The following NOL4 variants were observed in gnomAD, a reference collection of about 807,000 sequenced individuals.
The protein encoded by NOL4 is nucleolar protein 4.
NOL4 carries 17 observed loss-of-function variants against 75.9 expected under a neutral mutation model. The ratio of observed to expected loss-of-function variants is 0.22; its 90% confidence interval spans 0.15 to 0.34. NOL4 has a LOEUF of 0.34. Ranked by LOEUF, NOL4 falls within the 10% of genes least tolerant of loss-of-function variation. The probability of loss-of-function intolerance (pLI) is 1.00; values close to 1 mark genes in which losing one functional copy is unlikely to be tolerated. For synonymous variants in NOL4, 292 were observed against 289.9 expected (o/e 1.01, Z -0.07); for missense variants, 614 against 793.5 (o/e 0.77, Z 2.72).
intron 1 of NOL4, among the ~76,000 whole-genome samples, chr18:34,202,400 G>A (rs2035803988): frequency 6.6e-6 from 1 of 151,886 alleles, no homozygotes; most frequent in South Asian, 2.1e-4. Context: ...TAATCTTAGA[G>A]TTAAAAACTG....
chr18:34,009,986 C>T (rs934958234), intron 6 of NOL4, among the ~76,000 whole-genome samples: 17 of 151,734 alleles, frequency 1.1e-4, no homozygotes, highest in Admixed American at 2.6e-4. Flanking sequence ...ACTCAATATA[C>T]ACTTTCATTT....
chr18:34,011,314 G>C (rs772540970), intron 6 of NOL4, among the ~76,000 whole-genome samples: 1 of 151,632 alleles, frequency 6.6e-6, no homozygotes, highest in Non-Finnish European at 1.5e-5. Flanking sequence ...ATAATGTAAG[G>C]CTCATCTAAT....
intron 6 of NOL4, among the ~76,000 whole-genome samples, chr18:33,985,776 G>GTAC (rs2072392148): frequency 6.6e-6 from 1 of 152,118 alleles, no homozygotes; most frequent in African/African-American, 2.4e-5. Flanking sequence ...TTTGTTGTAT[G>GTAC]TTGGGAAAGG....
rs181938443 is a variant in NOL4, at chr18:33,989,742, T to C, written c.1056+29576A>G. On this transcript the variant is annotated intron_variant, in intron 6 of 10. Transcript: ENST00000261592. ...AGCTATTAGAATAGTTCCTGGCATA[T>C]TAAAGCACTGTGTAAATGTCTGACA... Among the ~76,000 whole-genome samples the C allele has an allele frequency of 1.3e-4, 20 of 152,232 alleles. No homozygotes were observed. In the East Asian group the frequency reaches 3.3e-3, roughly 25 times the overall value.
At chr18:34,059,106 G>T (rs1221500591) in intron 5 of NOL4, among the ~76,000 whole-genome samples, 6 of 127,982 alleles carry the variant, frequency 4.7e-5, no homozygotes, top group South Asian at 2.7e-4. Context: ...TATATATAGA[G>T]AGATAGATAG....
intron 1 of NOL4, among the ~76,000 whole-genome samples, chr18:34,140,429 T>G (rs539520837): frequency 6.6e-6 from 1 of 152,322 alleles, no homozygotes; most frequent in East Asian, 1.9e-4. Flanking sequence ...TTTACCATTA[T>G]GTAATGGCCT....
intron 10 of NOL4, among the ~76,000 whole-genome samples, chr18:33,867,372 A>G (rs575016602): frequency 6.6e-6 from 1 of 152,292 alleles, no homozygotes; most frequent in Non-Finnish European, 1.5e-5. Flanking sequence ...AGAACATTTA[A>G]TTTACATCTT....
chr18:33,881,785 T>C (rs1201234262), intron 10 of NOL4, among the ~76,000 whole-genome samples: 1 of 152,014 alleles, frequency 6.6e-6, no homozygotes, highest in East Asian at 1.9e-4. Flanking sequence ...GGAGGCATCA[T>C]GCTACCTGAC....
At chr18:33,863,804 TTTCCC>T (rs1487494830) in intron 10 of NOL4, among the ~76,000 whole-genome samples, 1 of 152,122 alleles carries the variant, frequency 6.6e-6, no homozygotes, top group Non-Finnish European at 1.5e-5. Context: ...CAATCCCAAA[TTTCCC>T]TTCCACACAG....
chr18:34,187,380 T>A, intron 1 of NOL4, among the ~76,000 whole-genome samples: 1 of 142,304 alleles, frequency 7.0e-6, no homozygotes. Context: ...CTTTTTTTTT[T>A]TTTTTTTTTT....
intron 5 of NOL4, among the ~76,000 whole-genome samples, chr18:34,020,572 A>G (rs74784089): frequency 0.017 from 2,523 of 152,306 alleles, 37 homozygotes; most frequent in Non-Finnish European, 0.021. Context: ...AGTGTTGTTC[A>G]TAATAGCAAA....
intron 1 of NOL4, among the ~76,000 whole-genome samples, chr18:34,197,808 C>CAATAGATCTATCAATTACCTGATGTG (rs2035443745): frequency 6.6e-6 from 1 of 151,592 alleles, no homozygotes; most frequent in Non-Finnish European, 1.5e-5. Context: ...AAAGACAGAT[C>CAATAGATCTATCAATTACCTGATGTG]AATAGATCTA....
At chr18:34,183,602 T>A (rs2034220692) in intron 1 of NOL4, 1 of 151,956 alleles carries the variant, frequency 6.6e-6, no homozygotes, top group Non-Finnish European at 1.5e-5. Context: ...CTTCAACAAG[T>A]AAATGGGTAA....
At position 33,852,183 on chromosome 18, in the gene NOL4, C is replaced by T. The variant is rs2062654768; in HGVS notation, c.*659G>A. On this transcript the variant is annotated 3_prime_UTR_variant, in exon 11 of 11. Coordinates refer to ENST00000261592, the MANE Select transcript of NOL4 (RefSeq NM_003787.5). Reference sequence around the variant, plus strand: ...GAAAGAACGTAGGCAAGGGTTTTTCCAGCATCAAGTGTTATTTTTGTAGAA... The same window carrying T: ...GAAAGAACGTAGGCAAGGGTTTTTCTAGCATCAAGTGTTATTTTTGTAGAA... 6.6e-6 allele frequency: 1 copy of T among 152,290 alleles called. No individual in the cohort carries two copies. Among genetic ancestry groups the T allele is most frequent in the Non-Finnish European group, 1.5e-5 (1 of 67,964 alleles). The allele number at this position is 152,290 out of a possible 1,614,324, so 9.4% of individuals were successfully genotyped here.
At chr18:34,030,437 C>T (rs2075579943) in intron 5 of NOL4, among the ~76,000 whole-genome samples, 3 of 151,800 alleles carry the variant, frequency 2.0e-5, no homozygotes, top group Admixed American at 2.0e-4. Flanking sequence ...TAAGTAAATT[C>T]CTCAATAGAA....
In NOL4 at chr18:33,947,749, C is replaced by T. The variant is rs967882030; in HGVS notation, c.1429-4571G>A. 3.3e-5 allele frequency among the ~76,000 whole-genome samples: 5 copies of T among 151,952 alleles called. No homozygotes were observed. The East Asian group carries it at 9.7e-4, about 29-fold the overall frequency. ...TCTTCATAATTAACTGACATTCTAA[C>T]TGGGATCTGAGTTGATCTTTCTCCA... On this transcript the variant is annotated intron_variant, in intron 8 of 10. Coordinates refer to ENST00000261592, the MANE Select transcript of NOL4 (RefSeq NM_003787.5).
At chr18:33,957,758 T>C (rs1252220568) in intron 7 of NOL4, among the ~76,000 whole-genome samples, 1 of 152,046 alleles carries the variant, frequency 6.6e-6, no homozygotes, top group Non-Finnish European at 1.5e-5. Flanking sequence ...CAGAAAAGAA[T>C]AGACTATCGT....
intron 1 of NOL4, among the ~76,000 whole-genome samples, chr18:34,194,405 A>T (rs1600845692): frequency 6.8e-6 from 1 of 147,666 alleles, no homozygotes; most frequent in South Asian, 2.2e-4. Context: ...ATTAGGAAAA[A>T]GGTAGGGAAG....
chr18:33,861,572 C>G (rs2063135860), intron 10 of NOL4, among the ~76,000 whole-genome samples: 1 of 151,944 alleles, frequency 6.6e-6, no homozygotes, highest in Non-Finnish European at 1.5e-5. Context: ...TCAGCAAAGT[C>G]TCAGGATACA....
Sources: allele counts gnomAD v4.1 joint callset (sites outside exome capture counted in the v4.1 genomes callset), GRCh38; gene constraint gnomAD v4.1.1; transcripts MANE v1.5; gene names NCBI Gene and HGNC (gene_info 2026-07-23, HGNC 2026-07-21).